CLDN14: variants seen among roughly 807,000 people sequenced by gnomAD.
CLDN14 encodes claudin 14.
In CLDN14, 2 loss-of-function variants were observed where a neutral mutation model predicts 2.1. The observed-to-expected ratio is 0.96, with a 90% CI of 0.39 to 3.01. The LOEUF (loss-of-function observed/expected upper bound fraction) is 3.01, where lower values mean the gene tolerates loss of function less well. CLDN14 is among the 30% of genes most tolerant of loss of function. The pLI, the probability that CLDN14 is intolerant of heterozygous loss-of-function variation, is 0.09. For synonymous variants in CLDN14, 136 were observed against 154.4 expected, an observed-to-expected ratio of 0.88 and a Z score of 0.88; for missense variants, 298 against 328.0, an observed-to-expected ratio of 0.91 and a Z score of 0.71.
At chr21:36,523,913 G>T (rs1759253081) in intron 1 of CLDN14, among the ~76,000 whole-genome samples, 1 of 152,134 alleles carries the variant, frequency 6.6e-6, no homozygotes, top group South Asian at 2.1e-4. Context: ...AGATGCTCCA[G>T]CCCTGCCGGC....
intron 1 of CLDN14, among the ~76,000 whole-genome samples, chr21:36,566,971 G>A (rs2087677660): frequency 1.3e-5 from 2 of 152,210 alleles, no homozygotes; most frequent in African/African-American, 4.8e-5. Flanking sequence ...TAAGCTCCTG[G>A]GAGTGTCAAG....
In CLDN14 at chr21:36,503,911, A is replaced by G. The variant is rs181035996; in HGVS notation, c.-82+6452T>C. On this transcript the variant is annotated intron_variant, in intron 2 of 2. Coordinates refer to the CLDN14 transcript ENST00000342108. The stretch of plus-strand genomic sequence containing the variant: ...TGAGTTACTGAATGAATGGCATCCT[A>G]CAAAGTTTTATATGAAAAATTATAT... Among the ~76,000 whole-genome samples, 875 of 151,924 alleles carry G rather than the reference A, an allele frequency of 5.8e-3. 15 individuals are homozygous for G. The highest frequency in any genetic ancestry group is 0.039 in the South Asian group (184 of 4,772).
chr21:36,527,189 C>A (rs2087338809), intron 1 of CLDN14, among the ~76,000 whole-genome samples: 1 of 152,228 alleles, frequency 6.6e-6, no homozygotes, highest in Admixed American at 6.5e-5. Context: ...ACCCTGTCAG[C>A]ATGTCAGATT....
At position 36,486,504 on chromosome 21, in the gene CLDN14, C is replaced by A. The variant is rs573361999; in HGVS notation, c.-82+23859G>T. 3.8e-6 allele frequency: 6 copies of A among 1,563,652 alleles called. No individual in the cohort carries two copies. In the African/African-American group the frequency reaches 8.1e-5, roughly 21 times the overall value. On this transcript the variant is annotated intron_variant, in intron 2 of 2. Coordinates refer to the CLDN14 transcript ENST00000342108. ...ACTCCAAATTCAAAGTCACTGGCAC[C>A]GAGACCCAGCATGGCACCCCCTTCC...
At chr21:36,530,425 A>C (rs1478726257) in intron 1 of CLDN14, among the ~76,000 whole-genome samples, 1 of 152,256 alleles carries the variant, frequency 6.6e-6, no homozygotes, top group African/African-American at 2.4e-5. Flanking sequence ...GCCTTAAACC[A>C]GCTCACATGC....
chr21:36,526,900 G>T (rs1049288068), intron 1 of CLDN14, among the ~76,000 whole-genome samples: 2 of 152,150 alleles, frequency 1.3e-5, no homozygotes, highest in African/African-American at 2.4e-5. Context: ...GGCCTGATAG[G>T]CCCACCTCCC....
At chr21:36,536,615 A>G (rs761999717) in intron 1 of CLDN14, among the ~76,000 whole-genome samples, 1 of 152,250 alleles carries the variant, frequency 6.6e-6, no homozygotes, top group Non-Finnish European at 1.5e-5. Context: ...CATTGACAGT[A>G]GAAAGCTGAG....
At chr21:36,559,543 C>T (rs1325669061) in intron 1 of CLDN14, among the ~76,000 whole-genome samples, 2 of 152,188 alleles carry the variant, frequency 1.3e-5, no homozygotes, top group Non-Finnish European at 2.9e-5. Flanking sequence ...ACTGTCCTTT[C>T]TGCACCTATT....
chr21:36,511,515 C>T (rs1397596675), intron 1 of CLDN14, among the ~76,000 whole-genome samples: 3 of 152,126 alleles, frequency 2.0e-5, no homozygotes, highest in African/African-American at 7.2e-5. Flanking sequence ...GTGCAATCAG[C>T]TGAGGAACGT....
At chr21:36,506,533 G>T (rs1198949351) in intron 2 of CLDN14, among the ~76,000 whole-genome samples, 2 of 151,428 alleles carry the variant, frequency 1.3e-5, no homozygotes, top group Admixed American at 6.6e-5. Flanking sequence ...GGGGGCGGAG[G>T]TTGCAGTGAG....
chr21:36,478,786 C>T (rs2086808138), intron 1 of CLDN14, among the ~76,000 whole-genome samples: 1 of 152,240 alleles, frequency 6.6e-6, no homozygotes, highest in Non-Finnish European at 1.5e-5. Flanking sequence ...TGGGGACGGT[C>T]TCAGGACACT....
intron 1 of CLDN14, among the ~76,000 whole-genome samples, chr21:36,535,478 G>T (rs1324114699): frequency 6.6e-6 from 1 of 152,122 alleles, no homozygotes; most frequent in Non-Finnish European, 1.5e-5. Context: ...AAAAGCATGA[G>T]CTATAAAATT....
At chr21:36,512,743 C>A (rs1480676802) in intron 1 of CLDN14, among the ~76,000 whole-genome samples, 1 of 152,094 alleles carries the variant, frequency 6.6e-6, no homozygotes, top group East Asian at 1.9e-4. Flanking sequence ...ATGCACACGG[C>A]TGAAGGGGGA....
At chr21:36,552,887 G>A (rs980363883) in intron 1 of CLDN14, among the ~76,000 whole-genome samples, 3 of 152,120 alleles carry the variant, frequency 2.0e-5, no homozygotes, top group Non-Finnish European at 4.4e-5. Context: ...CTCTTGCTTT[G>A]GGATTTCTGT....
intron 1 of CLDN14, among the ~76,000 whole-genome samples, chr21:36,543,459 G>C (rs1432728037): frequency 6.6e-6 from 1 of 152,202 alleles, no homozygotes; most frequent in Non-Finnish European, 1.5e-5. Flanking sequence ...AAGTTTCTCA[G>C]GATGTTCAGG....
intron 1 of CLDN14, among the ~76,000 whole-genome samples, chr21:36,466,599 G>A (rs1161968637): frequency 1.3e-5 from 2 of 152,248 alleles, no homozygotes; most frequent in African/African-American, 4.8e-5. Flanking sequence ...CCCACGACAC[G>A]TGGGGATTAT....
At chr21:36,530,589 T>A (rs1288203911) in intron 1 of CLDN14, among the ~76,000 whole-genome samples, 1 of 152,166 alleles carries the variant, frequency 6.6e-6, no homozygotes, top group Non-Finnish European at 1.5e-5. Context: ...AGAGGCCATG[T>A]GATAACAAAG....
At chr21:36,531,884 G>A (rs2087383221) in intron 1 of CLDN14, 1 of 152,072 alleles carries the variant, frequency 6.6e-6, no homozygotes, top group South Asian at 2.1e-4. Flanking sequence ...CCAAAATACT[G>A]ACCCAGAAAG....
chr21:36,463,426 C>T (rs1403609395), intron 1 of CLDN14, among the ~76,000 whole-genome samples: 2 of 152,198 alleles, frequency 1.3e-5, no homozygotes, highest in Non-Finnish European at 2.9e-5. Context: ...GTCAAGAAAT[C>T]CCCATCGGGG....
Sources: allele counts gnomAD v4.1 joint callset (sites outside exome capture counted in the v4.1 genomes callset), GRCh38; gene constraint gnomAD v4.1.1; transcripts MANE v1.5; gene names NCBI Gene and HGNC (gene_info 2026-07-23, HGNC 2026-07-21).